The following SCGB2B2 variants were observed in gnomAD, a reference collection of about 807,000 sequenced individuals.
The protein encoded by SCGB2B2 is secretoglobin family 2B member 2, also known as secretoglobin-like protein.
In SCGB2B2, 11 loss-of-function variants were observed where a neutral mutation model predicts 7.6. The ratio of observed to expected loss-of-function variants is 1.45; its 90% CI spans 0.91 to 2.40. SCGB2B2 has a LOEUF of 2.40. SCGB2B2 is among the 30% of genes most tolerant of loss of function. SCGB2B2 has a pLI of 0.00. For synonymous variants in SCGB2B2, 50 were observed against 48.6 expected (o/e 1.03, Z -0.12); for missense variants, 104 against 115.4 (o/e 0.90, Z 0.45).
chr19:34,612,505 T>A (rs540707455), intron 1 of SCGB2B2, among the ~76,000 whole-genome samples: 13 of 152,352 alleles, frequency 8.5e-5, no homozygotes, highest in Admixed American at 3.9e-4. Context: ...CCAATCATAT[T>A]CTTTTCATCA....
At chr19:34,666,687 C>CA (rs1468653865) in intron 1 of SCGB2B2, among the ~76,000 whole-genome samples, 1 of 152,202 alleles carries the variant, frequency 6.6e-6, no homozygotes, top group Non-Finnish European at 1.5e-5. Flanking sequence ...GAGGATTCCG[C>CA]ACCACCCCAA....
rs80318376 is a variant in SCGB2B2, at chr19:34,618,813, T to C, written c.-2031-22219A>G. Among the ~76,000 whole-genome samples, 60 of 152,336 alleles carry C rather than the reference T, an allele frequency of 3.9e-4. No individual in the cohort carries two copies. The East Asian group carries it at 0.01, about 26-fold the overall frequency. ...GTAAACAAGCAATTTTAACCATGTA[T>C]CAGATTGCAGATCTCAGGATGAGGA... On this transcript the variant is annotated intron_variant, in intron 1 of 3. Coordinates refer to ENST00000601241, the MANE Select transcript of SCGB2B2 (RefSeq NM_001025591.4).
intron 1 of SCGB2B2, among the ~76,000 whole-genome samples, chr19:34,625,875 G>C (rs1204544945): frequency 6.6e-6 from 1 of 152,154 alleles, no homozygotes; most frequent in Non-Finnish European, 1.5e-5. Context: ...CCACCAGTAG[G>C]GGCAGTCTGA....
chr19:34,611,013 A>T (rs574117990), intron 1 of SCGB2B2, among the ~76,000 whole-genome samples: 1 of 152,190 alleles, frequency 6.6e-6, no homozygotes, highest in African/African-American at 2.4e-5. Flanking sequence ...CAATTGCTCA[A>T]TTCAGGAGTT....
At chr19:34,616,925 C>T (rs1392544800) in intron 1 of SCGB2B2, among the ~76,000 whole-genome samples, 1 of 152,138 alleles carries the variant, frequency 6.6e-6, no homozygotes, top group East Asian at 1.9e-4. Context: ...TTTCCCAGCA[C>T]CATTTATTAA....
intron 1 of SCGB2B2, among the ~76,000 whole-genome samples, chr19:34,597,462 G>C (rs961312135): frequency 6.6e-6 from 1 of 152,090 alleles, no homozygotes; most frequent in Non-Finnish European, 1.5e-5. Flanking sequence ...TTTGATATCA[G>C]ACATCTCCCG....
chr19:34,631,204 T>C (rs2066523476), intron 1 of SCGB2B2, among the ~76,000 whole-genome samples: 1 of 152,188 alleles, frequency 6.6e-6, no homozygotes, highest in Admixed American at 6.5e-5. Flanking sequence ...ACATGGCACA[T>C]GTATACATAT....
chr19:34,650,597 A>G (rs920114455), intron 1 of SCGB2B2, among the ~76,000 whole-genome samples: 5 of 151,404 alleles, frequency 3.3e-5, no homozygotes, highest in Admixed American at 3.3e-4. Context: ...CAAGTCAGAA[A>G]TTAAATCTGT....
intron 1 of SCGB2B2, among the ~76,000 whole-genome samples, chr19:34,603,795 C>CTGTTTT (rs771192482): frequency 7.6e-6 from 1 of 131,288 alleles, no homozygotes; most frequent in Non-Finnish European, 1.6e-5. Context: ...TGTTTTATTA[C>CTGTTTT]TTTTTTTTTT....
Position 34,594,903 on chromosome 19 carries a change from A to C in SCGB2B2, c.-340T>G. 2.8e-6 allele frequency: 1 copy of C among 353,072 alleles called. No individual in the cohort carries two copies. Among genetic ancestry groups the C allele is most frequent in the African/African-American group, 2.1e-5 (1 of 48,554 alleles). The allele number at this position is 353,072 out of a possible 1,614,324, so 21.9% of individuals were successfully genotyped here. Reference sequence around the variant, plus strand: ...CCTGCAAGTCTGAGTGTGCATGCACATGTGACCCTGTGTCTTGGCAAACGT... The same window carrying C: ...CCTGCAAGTCTGAGTGTGCATGCACCTGTGACCCTGTGTCTTGGCAAACGT... On this transcript the variant is annotated 5_prime_UTR_variant, in exon 2 of 4. The change abolishes an upstream ATG in the 5' untranslated region. Coordinates refer to ENST00000601241, the MANE Select transcript of SCGB2B2 (RefSeq NM_001025591.4).
At chr19:34,632,930 A>G (rs74806369) in intron 1 of SCGB2B2, 6,148 of 152,524 alleles carry the variant, frequency 0.04, 167 homozygotes, top group Non-Finnish European at 0.064. Flanking sequence ...CCCCACGCCA[A>G]TATCTCTCCT....
chr19:34,608,870 G>A (rs1412168313), intron 1 of SCGB2B2: 11 of 151,304 alleles, frequency 7.3e-5, no homozygotes, highest in African/African-American at 1.9e-4. Flanking sequence ...TCGATCATAT[G>A]GTAATTCTAT....
At chr19:34,662,504 A>AC (rs2067487159) in intron 1 of SCGB2B2, among the ~76,000 whole-genome samples, 2 of 149,352 alleles carry the variant, frequency 1.3e-5, no homozygotes, top group African/African-American at 2.5e-5. Context: ...TTTTTTAAAC[A>AC]ACACACACAC....
chr19:34,652,320 C>A (rs1048371721), intron 1 of SCGB2B2, among the ~76,000 whole-genome samples: 4 of 151,098 alleles, frequency 2.6e-5, no homozygotes, highest in African/African-American at 9.9e-5. Flanking sequence ...ATGAAACAAT[C>A]AACAGAGAGA....
chr19:34,639,620 T>C (rs565795370), intron 1 of SCGB2B2, among the ~76,000 whole-genome samples: 2 of 152,274 alleles, frequency 1.3e-5, no homozygotes, highest in African/African-American at 4.8e-5. Context: ...CCACTGAACT[T>C]TGTTCAGGAG....
intron 1 of SCGB2B2, among the ~76,000 whole-genome samples, chr19:34,671,780 A>G (rs2067809200): frequency 6.6e-6 from 1 of 152,220 alleles, no homozygotes; most frequent in Non-Finnish European, 1.5e-5. Flanking sequence ...ATACAGAAGT[A>G]TAATTTTTTT....
In SCGB2B2 at chr19:34,599,471, T is replaced by C. The variant is rs547214778; in HGVS notation, c.-2031-2877A>G. Among the ~76,000 whole-genome samples, 84 of 152,206 alleles carry C rather than the reference T, an allele frequency of 5.5e-4. 6 individuals carry two copies. The highest frequency in any genetic ancestry group is 2.1e-4 in the Non-Finnish European group (14 of 68,034). ...CAATCACGGTGGAAGGTGAAAGGCA[T>C]ATCTCACATGGCGGCAGCAAGAGAC... On this transcript the variant is annotated intron_variant, in intron 1 of 3. Transcript: ENST00000601241.
chr19:34,614,158 CTT>C (rs2066006898), intron 1 of SCGB2B2, among the ~76,000 whole-genome samples: 1 of 152,136 alleles, frequency 6.6e-6, no homozygotes, highest in African/African-American at 2.4e-5. Flanking sequence ...TCTCTCCAGA[CTT>C]GAGATTTTTT....
intron 1 of SCGB2B2, chr19:34,645,602 C>T: frequency 3.4e-6 from 1 of 293,230 alleles, no homozygotes; most frequent in East Asian, 1.0e-4. Flanking sequence ...TCCAGATACA[C>T]ATAAAGCTCA....
Sources: allele counts gnomAD v4.1 joint callset (sites outside exome capture counted in the v4.1 genomes callset), GRCh38; gene constraint gnomAD v4.1.1; transcripts MANE v1.5; gene names NCBI Gene and HGNC (gene_info 2026-07-23, HGNC 2026-07-21).